Variants in STRN3 observed in about 807,000 individuals in gnomAD.
The protein encoded by STRN3 is striatin 3.
A neutral mutation model predicts 95.6 loss-of-function variants in STRN3; 29 were observed. That is an observed-to-expected ratio of 0.30 (90% CI 0.23 to 0.41). The LOEUF (loss-of-function observed/expected upper bound fraction) is 0.41, where lower values mean the gene tolerates loss of function less well. STRN3 is among the 10% of genes least tolerant of loss of function. The pLI is 1.00. For synonymous variants in STRN3, 331 were observed against 357.6 expected (o/e 0.93, Z 0.84); for missense variants, 890 against 972.1 (o/e 0.92, Z 1.12).
intron 1 of STRN3, among the ~76,000 whole-genome samples, chr14:30,958,921 A>C (rs1191620337): frequency 6.6e-6 from 1 of 152,240 alleles, no homozygotes; most frequent in Non-Finnish European, 1.5e-5. Context: ...CAAACCACAC[A>C]CCAAAAAGCA....
At chr14:31,013,596 T>C (rs1883072684) in intron 1 of STRN3, among the ~76,000 whole-genome samples, 1 of 151,932 alleles carries the variant, frequency 6.6e-6, no homozygotes, top group Admixed American at 6.6e-5. Context: ...ATATTACTTA[T>C]TCAAAATATA....
intron 14 of STRN3, 79 bp downstream of exon 14, chr14:30,906,798 T>C: frequency 7.4e-7 from 1 of 1,358,556 alleles, no homozygotes; most frequent in Non-Finnish European, 1.0e-6. Flanking sequence ...AGTAAAGAAA[T>C]ACATCAATTA....
chr14:31,018,488 C>A, intron 1 of STRN3: 2 of 429,406 alleles, frequency 4.7e-6, no homozygotes, highest in Admixed American at 2.6e-5. Flanking sequence ...TCCTTCAGAG[C>A]AGAGCTTCTC....
intron 8 of STRN3, among the ~76,000 whole-genome samples, chr14:30,927,892 C>T (rs754935472): frequency 4.9e-5 from 7 of 143,860 alleles, no homozygotes; most frequent in African/African-American, 1.0e-4. Context: ...GAGATTGCAC[C>T]GCTGCACTCC....
chr14:30,921,417 G>A (rs963482317), intron 8 of STRN3, among the ~76,000 whole-genome samples: 1 of 152,032 alleles, frequency 6.6e-6, no homozygotes, highest in African/African-American at 2.4e-5. Flanking sequence ...TCAAACTGAC[G>A]ATCCCAAATT....
rs992328650 is a variant in STRN3 at position 30,894,077 on chromosome 14, T to A, written c.*1334A>T. 1.2e-4 allele frequency: 18 copies of A among 152,592 alleles called. No homozygotes were observed. The highest frequency in any genetic ancestry group is 4.3e-4 in the African/African-American group (18 of 41,462). 9.5% of individuals were successfully genotyped at this position (152,592 alleles called of 1,614,324 possible). On this transcript the variant is annotated 3_prime_UTR_variant, in exon 18 of 18. Coordinates refer to ENST00000357479, the MANE Select transcript of STRN3 (RefSeq NM_001083893.2). The stretch of plus-strand genomic sequence containing the variant: ...GAAGACTAGAAAAAATACTTTATTG[T>A]CTTAATCATGCATTACACAAACAAA...
At chr14:31,016,753 C>A (rs952843092) in intron 1 of STRN3, among the ~76,000 whole-genome samples, 1 of 152,128 alleles carries the variant, frequency 6.6e-6, no homozygotes, top group Non-Finnish European at 1.5e-5. Context: ...CCATATTGGC[C>A]AGGCTGGTCT....
At chr14:30,909,503 G>A (rs1338981562) in intron 13 of STRN3, among the ~76,000 whole-genome samples, 2 of 152,034 alleles carry the variant, frequency 1.3e-5, no homozygotes, top group African/African-American at 4.8e-5. Flanking sequence ...GAGAGAGATT[G>A]GGTCTCACTC....
chr14:31,024,038 T>C (rs1016872795), intron 1 of STRN3, among the ~76,000 whole-genome samples: 2 of 152,188 alleles, frequency 1.3e-5, no homozygotes, highest in Non-Finnish European at 2.9e-5. Flanking sequence ...GCTGCTGCTG[T>C]TAAGGAGACC....
rs772329731 is a variant in STRN3 at position 30,905,568 on chromosome 14, G to C, written c.1889-10C>G. ...GTAGGTATTCCATGCTCTGAAATGA[G>C]CCCAAAGACAGACAATGTAAACAAA... On this transcript the variant is annotated splice_polypyrimidine_tract_variant and intron_variant, in intron 14 of 17. Transcript: ENST00000357479. The C allele has an allele frequency of 3.8e-6, 6 of 1,587,206 alleles. No individual in the cohort carries two copies. In the Admixed American group the frequency reaches 7.4e-5, roughly 20 times the overall value.
chr14:31,016,663 G>C (rs1883250445), intron 1 of STRN3, among the ~76,000 whole-genome samples: 2 of 152,188 alleles, frequency 1.3e-5, no homozygotes, highest in South Asian at 4.2e-4. Flanking sequence ...CCTGCCCTCA[G>C]CTTCCCAAGT....
chr14:30,907,752 A>G (rs1896503825), intron 13 of STRN3, among the ~76,000 whole-genome samples: 1 of 152,146 alleles, frequency 6.6e-6, no homozygotes, highest in East Asian at 1.9e-4. Context: ...ATTTATTTTT[A>G]GTGCCAAATA....
At chr14:30,904,149 A>G (rs568393504) in intron 15 of STRN3, among the ~76,000 whole-genome samples, 5 of 152,196 alleles carry the variant, frequency 3.3e-5, no homozygotes, top group East Asian at 3.8e-4. Context: ...CACTAAAAGA[A>G]ACCACAACTC....
chr14:30,967,268 G>A (rs1213415805), intron 1 of STRN3, among the ~76,000 whole-genome samples: 1 of 143,900 alleles, frequency 6.9e-6, no homozygotes, highest in East Asian at 2.3e-4. Flanking sequence ...AGAGAGAGGG[G>A]GGAAGAGAGG....
At position 30,895,396 on chromosome 14, in the gene STRN3, C is replaced by G; in HGVS notation, c.*15G>C. The stretch of plus-strand genomic sequence containing the variant: ...TGTCCAAGCAAATCTTGTTACGATG[C>G]AAGTTTTTGTTGATTCATACAAATA... On this transcript the variant is annotated 3_prime_UTR_variant, in exon 18 of 18. Transcript: ENST00000357479. 1 of 1,585,628 alleles carries G rather than the reference C, an allele frequency of 6.3e-7. No individual in the cohort carries two copies. The highest frequency in any genetic ancestry group is 8.6e-7 in the Non-Finnish European group (1 of 1,164,582).
At chr14:30,949,698 C>T (rs1879547239) in intron 4 of STRN3, among the ~76,000 whole-genome samples, 1 of 149,568 alleles carries the variant, frequency 6.7e-6, no homozygotes, top group Non-Finnish European at 1.5e-5. Context: ...AAAAAAAATA[C>T]ATTTACAGAA....
intron 1 of STRN3, among the ~76,000 whole-genome samples, chr14:30,975,170 C>T (rs976698011): frequency 6.8e-6 from 1 of 147,458 alleles, no homozygotes; most frequent in Non-Finnish European, 1.5e-5. Flanking sequence ...AAATGCCTAT[C>T]AACCAACGAG....
chr14:30,952,124 CA>C (rs71112359), intron 3 of STRN3, among the ~76,000 whole-genome samples: 106 of 150,058 alleles, frequency 7.1e-4, no homozygotes, highest in Non-Finnish European at 1.3e-3. Flanking sequence ...TCTTAAACAA[CA>C]AAAAAAAAGA....
intron 8 of STRN3, 55 bp downstream of exon 8, chr14:30,929,146 C>CT: frequency 7.0e-7 from 1 of 1,434,514 alleles, no homozygotes; most frequent in Non-Finnish European, 9.5e-7. Flanking sequence ...AATTGAAGAA[C>CT]TTTTTTCTCA....
Sources: gnomAD v4.1 joint callset for allele counts (sites outside exome capture counted in the v4.1 genomes callset) on GRCh38, gnomAD v4.1.1 for gene constraint, MANE v1.5 for transcripts, NCBI Gene and HGNC (gene_info 2026-07-23, HGNC 2026-07-21) for gene names.